Variants in TAFAZZIN observed in about 807,000 individuals in gnomAD.
The protein encoded by TAFAZZIN is tafazzin, phospholipid-lysophospholipid transacylase.
In TAFAZZIN, 6 loss-of-function variants were observed where a neutral mutation model predicts 27.3. That is an observed-to-expected ratio of 0.22 (90% CI 0.12 to 0.43). The LOEUF (loss-of-function observed/expected upper bound fraction) is 0.43, where lower values mean the gene tolerates loss of function less well. Among genes scored for constraint, TAFAZZIN ranks in the 20% least tolerant of loss-of-function variants. The pLI is 1.00. For missense variants in TAFAZZIN, 127 were observed against 244.5 expected (o/e 0.52, Z 3.21); for synonymous variants, 79 against 96.2 (o/e 0.82, Z 1.04).
chrX:154,412,038 C>G (rs782302266), intron 1 of TAFAZZIN, 48 bp from the exon 2 acceptor site: 5 of 1,206,130 alleles, frequency 4.1e-6, no homozygotes, highest in Non-Finnish European at 3.4e-6. Flanking sequence ...GCCGCGGCCC[C>G]GACCTAGCGG....
rs1557194671 is a variant in TAFAZZIN, at chrX:154,421,141, G to C, written c.*137G>C. On this transcript the variant is annotated 3_prime_UTR_variant, in exon 11 of 11. Coordinates refer to ENST00000601016, the MANE Select transcript of TAFAZZIN (RefSeq NM_000116.5). ...TCAAGTGCCCTCTCCGAGCTGGTAGGCATTCCAGCTCCTCCGTGCTTCCTC... is the reference window on the plus strand; with the variant it reads ...TCAAGTGCCCTCTCCGAGCTGGTAGCCATTCCAGCTCCTCCGTGCTTCCTC... 1 of 572,033 alleles carries C rather than the reference G, an allele frequency of 1.7e-6. No homozygotes were observed. Among genetic ancestry groups the C allele is most frequent in the Non-Finnish European group, 2.9e-6 (1 of 340,866 alleles). The allele number at this position is 572,033 out of a possible 1,213,427, so 47.1% of individuals were successfully genotyped here.
At chrX:154,415,995 A>G (rs1374443527) in intron 5 of TAFAZZIN, among the ~76,000 whole-genome samples, 2 of 109,729 alleles carry the variant, frequency 1.8e-5, no homozygotes, top group Admixed American at 9.8e-5. Context: ...GCGGTGGCTC[A>G]TGCCTGTAAT....
At chrX:154,414,707 A>T (rs76080957) in intron 5 of TAFAZZIN, among the ~76,000 whole-genome samples, 2 of 94,647 alleles carry the variant, frequency 2.1e-5, no homozygotes, top group East Asian at 7.0e-4. Context: ...AAAAAAAAAA[A>T]GTGCCGGCCA....
intron 10 of TAFAZZIN, 31 bp from the exon 11 acceptor site, chrX:154,420,872 G>C: frequency 8.3e-7 from 1 of 1,199,559 alleles, no homozygotes; most frequent in Non-Finnish European, 1.1e-6. Flanking sequence ...CTTCCCGAGG[G>C]GTGCAGGCCA....
chrX:154,419,827 G>A (rs1557193958), intron 7 of TAFAZZIN, 81 bp downstream of exon 7: 3 of 1,180,231 alleles, frequency 2.5e-6, no homozygotes. Flanking sequence ...CGCCCCCTCG[G>A]GCTGGCTTGT....
chrX:154,416,429 C>T (rs1465453703), intron 5 of TAFAZZIN, among the ~76,000 whole-genome samples: 4 of 106,562 alleles, frequency 3.8e-5, no homozygotes, highest in Non-Finnish European at 7.8e-5. Flanking sequence ...AGCGAGACTC[C>T]GTCTCAAAAA....
At chrX:154,413,739 T>G in intron 4 of TAFAZZIN, 172 bp downstream of exon 4, 1 of 486,861 alleles carries the variant, frequency 2.1e-6, no homozygotes, top group Non-Finnish European at 3.5e-6. Context: ...GAGGGATGGG[T>G]CCTTGGAAAG....
intron 1 of TAFAZZIN, 52 bp from the exon 2 acceptor site, chrX:154,412,034 G>A: frequency 8.3e-7 from 1 of 1,207,385 alleles, no homozygotes; most frequent in Non-Finnish European, 1.1e-6. Flanking sequence ...GGACGCCGCG[G>A]CCCCGACCTA....
intron 5 of TAFAZZIN, chrX:154,418,328 C>T (rs782659455): frequency 4.5e-5 from 5 of 112,233 alleles, no homozygotes; most frequent in East Asian, 2.8e-4. Context: ...TCCAAAGAAT[C>T]GGCCTTGCAG....
intron 5 of TAFAZZIN, among the ~76,000 whole-genome samples, chrX:154,417,651 T>C (rs1389006834): frequency 8.9e-6 from 1 of 112,504 alleles, no homozygotes; most frequent in Non-Finnish European, 1.9e-5. Context: ...CTGCAGTGCC[T>C]GCCCCTCACC....
chrX:154,419,134 T>G, intron 5 of TAFAZZIN: 24 of 212,887 alleles, frequency 1.1e-4, no homozygotes, highest in East Asian at 6.1e-4. Flanking sequence ...TGTGCAGGAG[T>G]ATGTGGCTGA....
intron 2 of TAFAZZIN, 172 bp from the exon 3 acceptor site, chrX:154,413,035 G>T: frequency 1.7e-6 from 1 of 590,078 alleles, no homozygotes; most frequent in Non-Finnish European, 2.8e-6. Context: ...GGGTGGGGGA[G>T]AGGGAGGAGC....
rs1422759761 is a variant in TAFAZZIN at position 154,421,447 on chromosome X, G to A, written c.*443G>A. 5.7e-5 allele frequency: 19 copies of A among 333,569 alleles called. No individual in the cohort carries two copies. The highest frequency in any genetic ancestry group is 6.4e-5 in the Non-Finnish European group (11 of 173,035). 27.5% of individuals were successfully genotyped at this position (333,569 alleles called of 1,213,427 possible). A position where few individuals can be genotyped will look rare whatever the true frequency, so the allele number is the denominator to read the frequency against. On this transcript the variant is annotated 3_prime_UTR_variant, in exon 11 of 11. Transcript: ENST00000601016. ...CTCCTCAGGGATGGCCGTTGGCCAC[G>A]TCTTCCTTCTGCCTGAGCTTCCCCC...
chrX:154,411,809 G>C lies in TAFAZZIN; in HGVS notation c.-35G>C, dbSNP rs782537698. ...TAGAGGCGCCCCACAGGCCGGCCCG[G>C]GGCGCTGGGAGCGCCGGCCGCGGGC... is the stretch of plus-strand genomic sequence containing the variant. On this transcript the variant is annotated 5_prime_UTR_variant, in exon 1 of 11. Coordinates refer to ENST00000601016, the MANE Select transcript of TAFAZZIN (RefSeq NM_000116.5). 4.4e-6 allele frequency: 5 copies of C among 1,144,395 alleles called. No individual in the cohort carries two copies. The East Asian group carries it at 1.6e-4, about 37-fold the overall frequency. The allele number at this position is 1,144,395 out of a possible 1,213,427, so 94.3% of individuals were successfully genotyped here.
chrX:154,419,674 C>T, intron 6 of TAFAZZIN, 31 bp from the exon 7 acceptor site: 1 of 1,212,206 alleles, frequency 8.2e-7, no homozygotes, highest in South Asian at 1.8e-5. Flanking sequence ...GGGATGGGCT[C>T]CCAAGCCTCG....
At chrX:154,417,885 C>A (rs782127063) in intron 5 of TAFAZZIN, among the ~76,000 whole-genome samples, 7 of 111,990 alleles carry the variant, frequency 6.3e-5, no homozygotes, top group Non-Finnish European at 9.4e-5. Context: ...GTTCCTTCAG[C>A]AAAGAACTAA....
chrX:154,413,249 G>A lies in TAFAZZIN; in HGVS notation c.281G>A (p.Arg94His), dbSNP rs1060500044. 1 of 1,212,015 alleles carries A rather than the reference G, an allele frequency of 8.3e-7. No homozygotes were observed. Among genetic ancestry groups the A allele is most frequent in the Non-Finnish European group, 1.1e-6 (1 of 895,515 alleles). ...CACATCTGGAACCTGAAGTTGATGC[G>A]TTGGTGAGGAGGAATGGGCCCCTCG... ...LRHIWNLKLM[R>H]WTPAAADICF... The change falls in exon 3 of 11, where the codon CGT becomes CAT. Residue 94 changes from arginine to histidine, a missense_variant. Coordinates refer to ENST00000601016, the MANE Select transcript of TAFAZZIN (RefSeq NM_000116.5).
intron 9 of TAFAZZIN, 82 bp downstream of exon 9, chrX:154,420,346 C>A: frequency 9.1e-7 from 1 of 1,102,993 alleles, no homozygotes; most frequent in Non-Finnish European, 1.3e-6. Context: ...TGGAGGCCAG[C>A]TGCAGGAGGA....
Position 154,421,181 on chromosome X carries a change from C to T in TAFAZZIN, c.*177C>T, listed in dbSNP as rs782687739. The T allele has an allele frequency of 2.3e-5, 12 of 515,726 alleles. No homozygotes were observed. Among genetic ancestry groups the T allele is most frequent in the Non-Finnish European group, 3.1e-5 (9 of 290,890 alleles). 42.5% of individuals were successfully genotyped at this position (515,726 alleles called of 1,213,427 possible). A position where few individuals can be genotyped will look rare whatever the true frequency, so the allele number is the denominator to read the frequency against. ...CGTGCTTCCTCAGTTACACAAAGGA[C>T]CTCAGCTGCTTCTCCCACTTGGCCA... is the stretch of plus-strand genomic sequence containing the variant. On this transcript the variant is annotated 3_prime_UTR_variant, in exon 11 of 11. Coordinates refer to ENST00000601016, the MANE Select transcript of TAFAZZIN (RefSeq NM_000116.5).
Sources: gnomAD v4.1 joint callset for allele counts (sites outside exome capture counted in the v4.1 genomes callset) on GRCh38, gnomAD v4.1.1 for gene constraint, MANE v1.5 for transcripts, NCBI Gene and HGNC (gene_info 2026-07-23, HGNC 2026-07-21) for gene names.